The following TUBGCP3 variants were observed in gnomAD, a reference collection of about 807,000 sequenced individuals.
TUBGCP3 encodes the protein gamma-tubulin complex component 3.
A neutral mutation model predicts 123.1 loss-of-function variants in TUBGCP3; 50 were observed. The observed-to-expected ratio is 0.41, with a 90% CI of 0.32 to 0.51. The LOEUF (loss-of-function observed/expected upper bound fraction) is 0.51, where lower values mean the gene tolerates loss of function less well. Ranked by LOEUF, TUBGCP3 falls within the 20% of genes least tolerant of loss-of-function variation. The pLI, the probability that TUBGCP3 is intolerant of heterozygous loss-of-function variation, is 0.36. For missense variants in TUBGCP3, 882 were observed against 1,127.0 expected (o/e 0.78, Z 3.11); for synonymous variants, 405 against 413.9 (o/e 0.98, Z 0.26).
chr13:112,592,217 T>C (rs1882894813), upstream of TUBGCP3, among the ~76,000 whole-genome samples: 1 of 152,242 alleles, frequency 6.6e-6, no homozygotes. The surrounding 1 kb of genome is among the most constrained non-coding windows in gnomAD (Gnocchi z 4.1). Flanking sequence ...TAAAACTAGG[T>C]AGTCTGAATA....
At chr13:112,525,116 G>T (rs1336604359) in intron 13 of TUBGCP3, among the ~76,000 whole-genome samples, 2 of 152,132 alleles carry the variant, frequency 1.3e-5, no homozygotes, top group Non-Finnish European at 2.9e-5. Context: ...CTTCCTACAT[G>T]AGGTCCTAGT....
At chr13:112,597,943 A>G in the TUBGCP3 span, among the ~76,000 whole-genome samples, 8 of 152,200 alleles carry the variant, frequency 5.3e-5, no homozygotes, top group Non-Finnish European at 1.2e-4. Context: ...ACATCAAGGC[A>G]ATGATAAAAG....
chr13:112,527,777 C>T (rs996010312), intron 11 of TUBGCP3, among the ~76,000 whole-genome samples: 3 of 152,218 alleles, frequency 2.0e-5, no homozygotes, highest in East Asian at 1.9e-4. Flanking sequence ...CTGGGCCACA[C>T]GGAGCTCTTC....
At chr13:112,502,540 TTC>T (rs1880988232) in intron 19 of TUBGCP3, among the ~76,000 whole-genome samples, 1 of 136,998 alleles carries the variant, frequency 7.3e-6, no homozygotes, top group Admixed American at 7.2e-5. Flanking sequence ...AGTACATTTC[TTC>T]TTTTTTTTTT....
chr13:112,558,456 G>T (rs1314390425), intron 4 of TUBGCP3, 43 bp from the exon 5 acceptor site: 2 of 1,464,626 alleles, frequency 1.4e-6, no homozygotes, highest in Non-Finnish European at 1.8e-6. Flanking sequence ...GGAAATTACA[G>T]AACAGTCTTC....
intron 14 of TUBGCP3, among the ~76,000 whole-genome samples, chr13:112,521,328 C>A (rs1358929483): frequency 6.6e-6 from 1 of 152,190 alleles, no homozygotes; most frequent in Non-Finnish European, 1.5e-5. Flanking sequence ...GCTGTGTACG[C>A]CTCAAAAAGC....
intron 5 of TUBGCP3, 135 bp from the exon 6 acceptor site, chr13:112,556,359 T>C: frequency 1.2e-6 from 1 of 860,062 alleles, no homozygotes; most frequent in Non-Finnish European, 1.7e-6. Context: ...ACCATGACTT[T>C]ACCCTAACCG....
chr13:112,514,849 T>C (rs1327085514), intron 17 of TUBGCP3, among the ~76,000 whole-genome samples: 2 of 152,222 alleles, frequency 1.3e-5, no homozygotes, highest in Admixed American at 1.3e-4. Context: ...AAAACATGCA[T>C]GGCATTATTT....
chr13:112,579,157 A>AAC (rs113223786), intron 1 of TUBGCP3, among the ~76,000 whole-genome samples: 44,043 of 151,700 alleles, frequency 0.29, 6,897 homozygotes, highest in African/African-American at 0.4. Flanking sequence ...ATGAATGGCA[A>AAC]ACACACACAC....
At chr13:112,515,516 C>A (rs757726514) in intron 17 of TUBGCP3, among the ~76,000 whole-genome samples, 143 of 152,312 alleles carry the variant, frequency 9.4e-4, no homozygotes, top group Admixed American at 3.7e-3. Context: ...CCCGCAGAGC[C>A]CCAGGCGTGC....
chr13:112,497,543 T>A (rs1054760817), intron 20 of TUBGCP3, among the ~76,000 whole-genome samples: 2 of 152,246 alleles, frequency 1.3e-5, no homozygotes, highest in Admixed American at 6.5e-5. Flanking sequence ...CTGAATAATG[T>A]CTTTGACAAT....
At chr13:112,530,169 C>G (rs547256568) in intron 11 of TUBGCP3, among the ~76,000 whole-genome samples, 12 of 152,152 alleles carry the variant, frequency 7.9e-5, no homozygotes, top group Non-Finnish European at 1.3e-4. Flanking sequence ...AGAAAAATAC[C>G]AAAAATATTA....
At chr13:112,541,892 G>A (rs1878550333) in intron 11 of TUBGCP3, among the ~76,000 whole-genome samples, 2 of 152,106 alleles carry the variant, frequency 1.3e-5, no homozygotes, top group Non-Finnish European at 2.9e-5. Context: ...GAACGAAGAG[G>A]ATACAGATTC....
At chr13:112,574,266 T>G (rs1881638810) in intron 1 of TUBGCP3, among the ~76,000 whole-genome samples, 1 of 148,944 alleles carries the variant, frequency 6.7e-6, no homozygotes, top group Admixed American at 6.7e-5. Context: ...ACGCTCACAG[T>G]GTGGCTTCCC....
chr13:112,589,158 G>A (rs1488955663), upstream of TUBGCP3, among the ~76,000 whole-genome samples: 2 of 152,182 alleles, frequency 1.3e-5, no homozygotes, highest in Non-Finnish European at 2.9e-5. Context: ...CTGTGGAAAC[G>A]CTTCTAAACT....
At position 112,545,643 on chromosome 13, in the gene TUBGCP3, A is replaced by T; in HGVS notation, c.1335+56T>A. The T allele has an allele frequency of 6.3e-7, 1 of 1,587,816 alleles. No individual in the cohort carries two copies. The highest frequency in any genetic ancestry group is 8.6e-7 in the Non-Finnish European group (1 of 1,157,716). On this transcript the variant is annotated intron_variant, in intron 11 of 21. Coordinates refer to ENST00000261965, the MANE Select transcript of TUBGCP3 (RefSeq NM_006322.6). This position sits in a 1 kb window ranked among gnomAD's most constrained non-coding sequence, Gnocchi z 4.1. ...CATGAGGGGAAAAATGAAACAGCATAACTGCGTGCCCATGCTTTTTAAATC... is the reference window on the plus strand; with the variant it reads ...CATGAGGGGAAAAATGAAACAGCATTACTGCGTGCCCATGCTTTTTAAATC...
At chr13:112,512,837 C>T (rs897228561) in intron 17 of TUBGCP3, among the ~76,000 whole-genome samples, 37 of 152,160 alleles carry the variant, frequency 2.4e-4, no homozygotes, top group Non-Finnish European at 4.3e-4. Context: ...TAAAAGCTGT[C>T]TAAACATTAA....
chr13:112,515,154 A>G (rs1018581046), intron 17 of TUBGCP3, among the ~76,000 whole-genome samples: 1 of 152,242 alleles, frequency 6.6e-6, no homozygotes, highest in African/African-American at 2.4e-5. Flanking sequence ...TATTCAATAC[A>G]ATAAGAGAAG....
chr13:112,523,085 G>C lies in TUBGCP3; in HGVS notation c.1556-576C>G, dbSNP rs182789393. On this transcript the variant is annotated intron_variant, in intron 13 of 21. Coordinates refer to ENST00000261965, the MANE Select transcript of TUBGCP3 (RefSeq NM_006322.6). ...AGCTTTCTATTGAGAAGAAATTGCA[G>C]GTGGAGACTATACACATAACAGAGC... Among the ~76,000 whole-genome samples, 445 of 152,310 alleles carry C rather than the reference G, an allele frequency of 2.9e-3. 4 individuals are homozygous for C. Among genetic ancestry groups the C allele is most frequent in the African/African-American group, 0.01 (426 of 41,564 alleles).
Sources: gnomAD v4.1 joint callset for allele counts (sites outside exome capture counted in the v4.1 genomes callset) on GRCh38, gnomAD v4.1.1 for gene constraint, Gnocchi (gnomAD v3.1) non-coding constraint, MANE v1.5 for transcripts, NCBI Gene and HGNC (gene_info 2026-07-23, HGNC 2026-07-21) for gene names.